Variants in PRKCB observed in about 807,000 individuals in gnomAD.
The protein encoded by PRKCB is protein kinase C beta.
A neutral mutation model predicts 81.5 loss-of-function variants in PRKCB; 13 were observed. That is an observed-to-expected ratio of 0.16 (90% CI 0.10 to 0.25). The LOEUF is 0.25. PRKCB is among the 10% of genes least tolerant of loss of function. The pLI is 1.00. For synonymous variants in PRKCB, 335 were observed against 321.4 expected (o/e 1.04, Z -0.45); for missense variants, 509 against 875.7 (o/e 0.58, Z 5.29).
chr16:24,093,381 T>A (rs1966400097), intron 6 of PRKCB, among the ~76,000 whole-genome samples: 1 of 152,146 alleles, frequency 6.6e-6, no homozygotes, highest in Non-Finnish European at 1.5e-5. Context: ...CCCTTGAGGG[T>A]CTTCCCTGGC....
intron 2 of PRKCB, among the ~76,000 whole-genome samples, chr16:23,911,127 G>GTTTTTTTTTTTTT (rs1567310884): frequency 3.4e-4 from 4 of 11,788 alleles, no homozygotes; most frequent in East Asian, 2.7e-3. Flanking sequence ...ACGTATATAT[G>GTTTTTTTTTTTTT]CTTTTTTTTT....
At chr16:24,166,423 C>A (rs1342662239) in intron 10 of PRKCB, among the ~76,000 whole-genome samples, 1 of 152,156 alleles carries the variant, frequency 6.6e-6, no homozygotes, top group Non-Finnish European at 1.5e-5. Context: ...TCTGGTCTTA[C>A]CCTACCTTTC....
At chr16:24,095,177 C>T (rs1048432417) in intron 7 of PRKCB, among the ~76,000 whole-genome samples, 2 of 152,064 alleles carry the variant, frequency 1.3e-5, no homozygotes, top group Non-Finnish European at 2.9e-5. Context: ...CAGACAGAGC[C>T]GATTTATCAA....
At chr16:24,098,145 A>G (rs1022595179) in intron 7 of PRKCB, 1 of 152,204 alleles carries the variant, frequency 6.6e-6, no homozygotes, top group Non-Finnish European at 1.5e-5. Flanking sequence ...GGGGCTTAGA[A>G]TTTTATTTTG....
intron 2 of PRKCB, among the ~76,000 whole-genome samples, chr16:23,846,608 CAAAAAAA>C (rs33919504): frequency 2.3e-4 from 15 of 65,328 alleles, no homozygotes; most frequent in Non-Finnish European, 3.5e-4. Context: ...GACTCCGTCT[CAAAAAAA>C]AAAAAAAAAA....
intron 2 of PRKCB, among the ~76,000 whole-genome samples, chr16:23,864,778 C>T (rs79131874): frequency 0.035 from 5,370 of 151,898 alleles, 119 homozygotes; most frequent in South Asian, 0.061. Context: ...TGTGCAGTTT[C>T]GTTACGTGGT....
intron 9 of PRKCB, among the ~76,000 whole-genome samples, chr16:24,139,099 G>A (rs1033918225): frequency 6.6e-6 from 1 of 152,080 alleles, no homozygotes; most frequent in Non-Finnish European, 1.5e-5. Flanking sequence ...TGATCCACCT[G>A]TCTCAGCCTC....
chr16:24,089,789 T>TCTCTCACACA (rs71381638), intron 5 of PRKCB, among the ~76,000 whole-genome samples: 10 of 149,884 alleles, frequency 6.7e-5, no homozygotes, highest in African/African-American at 2.2e-4. Context: ...TCTCTCTCTC[T>TCTCTCACACA]CACACACACA....
intron 9 of PRKCB, among the ~76,000 whole-genome samples, chr16:24,127,804 A>G (rs1314160345): frequency 6.6e-6 from 1 of 152,244 alleles, no homozygotes; most frequent in African/African-American, 2.4e-5. Flanking sequence ...GCAAAGTAGA[A>G]TAACAAACAC....
At chr16:24,148,338 G>C (rs943497842) in intron 9 of PRKCB, among the ~76,000 whole-genome samples, 1 of 152,104 alleles carries the variant, frequency 6.6e-6, no homozygotes, top group Non-Finnish European at 1.5e-5. Context: ...TCTGTTTCAG[G>C]GGTCTCATTA....
intron 2 of PRKCB, among the ~76,000 whole-genome samples, chr16:23,951,152 G>T (rs1332927481): frequency 6.6e-6 from 1 of 152,234 alleles, no homozygotes; most frequent in Non-Finnish European, 1.5e-5. Flanking sequence ...TGCAAAGCAC[G>T]TGGGAGGAAA....
At chr16:24,023,694 G>A (rs1965438824) in intron 3 of PRKCB, among the ~76,000 whole-genome samples, 1 of 152,178 alleles carries the variant, frequency 6.6e-6, no homozygotes, top group Non-Finnish European at 1.5e-5. Context: ...TAACCTGCAT[G>A]CCCTGGCACT....
At chr16:24,166,241 G>A (rs1389386154) in intron 10 of PRKCB, among the ~76,000 whole-genome samples, 6 of 152,058 alleles carry the variant, frequency 3.9e-5, no homozygotes, top group Non-Finnish European at 8.8e-5. Context: ...TTGGTATGAA[G>A]TTAAAATATT....
intron 2 of PRKCB, among the ~76,000 whole-genome samples, chr16:23,841,701 G>T (rs1479280736): frequency 8.2e-6 from 1 of 121,426 alleles, no homozygotes; most frequent in African/African-American, 3.2e-5. Flanking sequence ...TGTCATCCAG[G>T]CTGGAGTGCA....
chr16:23,839,056 G>A (rs1198350693), intron 2 of PRKCB, among the ~76,000 whole-genome samples: 1 of 152,136 alleles, frequency 6.6e-6, no homozygotes, highest in African/African-American at 2.4e-5. Context: ...TGCTGAGATC[G>A]GGGGCGATTT....
At chr16:24,064,747 A>G (rs1414892825) in intron 5 of PRKCB, among the ~76,000 whole-genome samples, 1 of 151,890 alleles carries the variant, frequency 6.6e-6, no homozygotes, top group Non-Finnish European at 1.5e-5. Context: ...TTTTGAAGCA[A>G]TGTTATTATT....
chr16:24,188,114 G>C (rs771554227), intron 15 of PRKCB, among the ~76,000 whole-genome samples: 3 of 152,316 alleles, frequency 2.0e-5, no homozygotes, highest in Non-Finnish European at 2.9e-5. Context: ...TTCAGCTCCT[G>C]CTCCAATTAG....
chr16:23,970,138 G>A (rs1178074314), intron 2 of PRKCB, among the ~76,000 whole-genome samples: 2 of 152,184 alleles, frequency 1.3e-5, no homozygotes, highest in South Asian at 2.1e-4. Flanking sequence ...GTATTAAAAC[G>A]TGACAAGAAG....
chr16:23,897,816 C>T (rs982826315), intron 2 of PRKCB, among the ~76,000 whole-genome samples: 1 of 151,994 alleles, frequency 6.6e-6, no homozygotes, highest in African/African-American at 2.4e-5. Context: ...ATTTCTCTTT[C>T]CCTCTCTCCC....
Sources: gnomAD v4.1 joint callset for allele counts (sites outside exome capture counted in the v4.1 genomes callset) on GRCh38, gnomAD v4.1.1 for gene constraint, MANE v1.5 for transcripts, NCBI Gene and HGNC (gene_info 2026-07-23, HGNC 2026-07-21) for gene names.